NRXN3: variants seen among roughly 807,000 people sequenced by gnomAD.
NRXN3 encodes the protein neurexin 3, also known as neurexin III.
NRXN3 carries 32 observed loss-of-function variants against 137.6 expected under a neutral mutation model. The ratio of observed to expected loss-of-function variants is 0.23; its 90% CI spans 0.18 to 0.31. The LOEUF is 0.31. NRXN3 is among the 10% of genes least tolerant of loss of function. NRXN3 has a pLI of 1.00. For synonymous variants in NRXN3, 798 were observed against 784.5 expected, an observed-to-expected ratio of 1.02 and a Z score of -0.29; for missense variants, 1,574 against 2,062.5, an observed-to-expected ratio of 0.76 and a Z score of 4.59.
At chr14:79,685,250 G>C (rs570702736) in intron 17 of NRXN3, among the ~76,000 whole-genome samples, 1 of 152,004 alleles carries the variant, frequency 6.6e-6, no homozygotes, top group African/African-American at 2.4e-5. Context: ...AATTCTCACC[G>C]CAATCCCATG....
At position 78,465,974 on chromosome 14, in the gene NRXN3, C is replaced by G. The variant is rs560568162; in HGVS notation, c.757+168114C>G. Reference sequence around the variant, plus strand: ...TCATGCCGTTCTCCTGCCTCAGCCTCCCGAGTAGCTGGGACTACAGATGTC... The same window carrying G: ...TCATGCCGTTCTCCTGCCTCAGCCTGCCGAGTAGCTGGGACTACAGATGTC... On this transcript the variant is annotated intron_variant, in intron 4 of 20. Transcript: ENST00000335750. Among the ~76,000 whole-genome samples the G allele has an allele frequency of 3.3e-5, 5 of 152,066 alleles. No homozygotes were observed. The South Asian group carries it at 1.0e-3, about 32-fold the overall frequency.
chr14:79,209,319 A>C (rs774092503), intron 15 of NRXN3, among the ~76,000 whole-genome samples: 20 of 152,128 alleles, frequency 1.3e-4, no homozygotes, highest in Non-Finnish European at 2.6e-4. Context: ...TTATTAAAAA[A>C]AAAAAACAGA....
In NRXN3 at chr14:78,433,252, C is replaced by T. The variant is rs142452555; in HGVS notation, c.757+135392C>T. 1.9e-3 allele frequency among the ~76,000 whole-genome samples: 293 copies of T among 152,248 alleles called. 1 individual carries two copies. The highest frequency in any genetic ancestry group is 1.7e-3 in the Non-Finnish European group (118 of 68,014). On this transcript the variant is annotated intron_variant, in intron 4 of 20. Transcript: ENST00000335750. ...TAAGGGTCTCTTGGATTCCTTGTCACGTTGCCTACATCTTTGAGTGTAGCA... is the reference window on the plus strand; with the variant it reads ...TAAGGGTCTCTTGGATTCCTTGTCATGTTGCCTACATCTTTGAGTGTAGCA...
At chr14:79,627,075 C>T (rs569988632) in intron 16 of NRXN3, among the ~76,000 whole-genome samples, 6 of 152,282 alleles carry the variant, frequency 3.9e-5, no homozygotes, top group Admixed American at 1.3e-4. Context: ...AAAAGCACCT[C>T]TCCCTTGGTA....
At chr14:78,892,774 C>CTGTGTGTGTGTGTGTGTGTGTGTG (rs58718552) in intron 10 of NRXN3, among the ~76,000 whole-genome samples, 12 of 140,140 alleles carry the variant, frequency 8.6e-5, no homozygotes, top group East Asian at 2.1e-4. Flanking sequence ...CCCCCATCTT[C>CTGTGTGTGTGTGTGTGTGTGTGTG]TGTGTGTGTG....
intron 15 of NRXN3, among the ~76,000 whole-genome samples, chr14:79,268,008 C>A (rs1257930888): frequency 6.6e-6 from 1 of 152,108 alleles, no homozygotes; most frequent in Non-Finnish European, 1.5e-5. Context: ...TTAGGTATAG[C>A]CTTGCTACCT....
intron 4 of NRXN3, among the ~76,000 whole-genome samples, chr14:78,508,336 A>G (rs1190128889): frequency 6.6e-6 from 1 of 152,338 alleles, no homozygotes; most frequent in Middle Eastern, 3.4e-3. Flanking sequence ...CACTGCCATT[A>G]TGGTATATAA....
chr14:79,737,539 A>G (rs1460365401), intron 19 of NRXN3, among the ~76,000 whole-genome samples: 1 of 152,212 alleles, frequency 6.6e-6, no homozygotes, highest in Non-Finnish European at 1.5e-5. Flanking sequence ...ATGTCTCAGC[A>G]CGGAGTTTAT....
At chr14:78,285,474 T>A (rs1479729874) in intron 3 of NRXN3, among the ~76,000 whole-genome samples, 2 of 152,084 alleles carry the variant, frequency 1.3e-5, no homozygotes, top group Non-Finnish European at 2.9e-5. Flanking sequence ...TCAGGTACAA[T>A]AAGTACCTCA....
intron 15 of NRXN3, among the ~76,000 whole-genome samples, chr14:79,087,855 T>C (rs2048413078): frequency 6.6e-6 from 1 of 152,070 alleles, no homozygotes; most frequent in Non-Finnish European, 1.5e-5. Context: ...CCTGGAAGAG[T>C]CCTCTGGAGA....
intron 15 of NRXN3, among the ~76,000 whole-genome samples, chr14:79,109,410 A>G (rs1413309747): frequency 6.6e-6 from 1 of 152,186 alleles, no homozygotes. Context: ...ATTTTCTCCA[A>G]AAGCCTGAGT....
At chr14:79,859,790 G>A (rs148177005) in intron 20 of NRXN3, among the ~76,000 whole-genome samples, 13 of 152,270 alleles carry the variant, frequency 8.5e-5, no homozygotes, top group South Asian at 2.1e-4. Flanking sequence ...CAACAATAAC[G>A]TCACATTAGT....
intron 15 of NRXN3, among the ~76,000 whole-genome samples, chr14:79,217,233 T>C (rs1038259980): frequency 6.6e-6 from 1 of 152,160 alleles, no homozygotes; most frequent in Non-Finnish European, 1.5e-5. Context: ...CTGCTTAGCT[T>C]CTGGTGAGGT....
rs939664054 is a variant in NRXN3 at position 79,040,035 on chromosome 14, A to C, written c.3262+51894A>C. 5.9e-5 allele frequency among the ~76,000 whole-genome samples: 9 copies of C among 152,110 alleles called. No homozygotes were observed. In the South Asian group the frequency reaches 1.9e-3, roughly 32 times the overall value. ...TCAGATCTCAAATTATTTGTCACTC[A>C]CTGGAAGTGTACAGCTAATCTGAAG... On this transcript the variant is annotated intron_variant, in intron 15 of 20. Coordinates refer to ENST00000335750, the MANE Select transcript of NRXN3 (RefSeq NM_001330195.2).
At chr14:78,467,146 A>G (rs2153724722) in intron 4 of NRXN3, among the ~76,000 whole-genome samples, 1 of 152,250 alleles carries the variant, frequency 6.6e-6, no homozygotes, top group South Asian at 2.1e-4. Context: ...TACCCTGAAC[A>G]CCTGGGTCAC....
chr14:78,457,905 G>A (rs990885096), intron 4 of NRXN3, among the ~76,000 whole-genome samples: 2 of 152,118 alleles, frequency 1.3e-5, no homozygotes, highest in African/African-American at 4.8e-5. Context: ...TGGGTGATGT[G>A]GTAAGGGCCA....
rs2096777923 is a variant in NRXN3, at chr14:78,560,660, G to A, written c.758-84460G>A. Among the ~76,000 whole-genome samples, 2 of 152,170 alleles carry A rather than the reference G, an allele frequency of 1.3e-5. 1 individual carries two copies. The highest frequency in any genetic ancestry group is 1.3e-4 in the Admixed American group (2 of 15,280). ...TCTCTTGAATCATTCAGAAGCTGAA[G>A]TGCAGGCTCTGGGATGGAGAGTTTC... is the stretch of plus-strand genomic sequence containing the variant. On this transcript the variant is annotated intron_variant, in intron 4 of 20. Transcript: ENST00000335750.
chr14:78,899,546 T>C (rs1303966701), intron 10 of NRXN3, among the ~76,000 whole-genome samples: 1 of 151,984 alleles, frequency 6.6e-6, no homozygotes, highest in Non-Finnish European at 1.5e-5. Flanking sequence ...ATATTCTTCT[T>C]AGTGAGATTT....
chr14:78,777,956 T>G (rs543495119), intron 8 of NRXN3, among the ~76,000 whole-genome samples: 1 of 152,126 alleles, frequency 6.6e-6, no homozygotes, highest in South Asian at 2.1e-4. Context: ...AGAGACAGGG[T>G]TTTGCCATGT....
Sources: gnomAD v4.1 joint callset for allele counts (sites outside exome capture counted in the v4.1 genomes callset) on GRCh38, gnomAD v4.1.1 for gene constraint, MANE v1.5 for transcripts, NCBI Gene and HGNC (gene_info 2026-07-23, HGNC 2026-07-21) for gene names.